PUDP: variants seen among roughly 807,000 people sequenced by gnomAD.
PUDP encodes the protein pseudouridine 5'-phosphatase.
In PUDP, 8 loss-of-function variants were observed where a neutral mutation model predicts 9.4. The ratio of observed to expected loss-of-function variants is 0.85; its 90% CI spans 0.50 to 1.53. The LOEUF is 1.53. Among genes scored for constraint, PUDP ranks in the 40% most tolerant of loss-of-function variants. PUDP has a pLI of 0.00. For missense variants in PUDP, 188 were observed against 189.7 expected, an observed-to-expected ratio of 0.99 and a Z score of 0.05; for synonymous variants, 99 against 80.7, an observed-to-expected ratio of 1.23 and a Z score of -1.22.
chrX:7,006,068 T>C (rs1406516327), intron 1 of PUDP, among the ~76,000 whole-genome samples: 2 of 112,468 alleles, frequency 1.8e-5, no homozygotes, highest in East Asian at 5.5e-4. Context: ...ATTTTGTTTA[T>C]CCATTAATCT....
At chrX:7,057,531 A>T in intron 3 of PUDP, 1 of 725,077 alleles carries the variant, frequency 1.4e-6, no homozygotes, top group Non-Finnish European at 1.9e-6. Flanking sequence ...CTGGGATGTT[A>T]AGCCTGATGG....
At chrX:6,997,996 T>C (rs1265465232) in intron 1 of PUDP, among the ~76,000 whole-genome samples, 1 of 112,052 alleles carries the variant, frequency 8.9e-6, no homozygotes, top group Non-Finnish European at 1.9e-5. Flanking sequence ...TGTAGTAGAC[T>C]AGAAGGATTG....
chrX:6,831,663 A>G (rs1926505729), intron 3 of PUDP, among the ~76,000 whole-genome samples: 1 of 112,558 alleles, frequency 8.9e-6, no homozygotes, highest in Non-Finnish European at 1.9e-5. Context: ...CATCATATTG[A>G]ACAATTTAGA....
intron 3 of PUDP, among the ~76,000 whole-genome samples, chrX:6,755,912 T>C (rs1343754476): frequency 9.0e-6 from 1 of 110,789 alleles, no homozygotes; most frequent in Admixed American, 9.7e-5. Flanking sequence ...TAAAGAGAGC[T>C]TTCCCAGGAG....
At chrX:6,867,768 CCA>C (rs1218621545) in intron 3 of PUDP, among the ~76,000 whole-genome samples, 2 of 111,134 alleles carry the variant, frequency 1.8e-5, no homozygotes, top group Non-Finnish European at 3.8e-5. Flanking sequence ...TTACAGAATA[CCA>C]CAGACTGGGT....
chrX:6,944,045 T>C (rs761497516), intron 3 of PUDP, among the ~76,000 whole-genome samples: 93 of 111,837 alleles, frequency 8.3e-4, no homozygotes, highest in African/African-American at 2.9e-3. Flanking sequence ...TGGAATTACA[T>C]GGTTTGGCTG....
At chrX:6,747,159 C>A (rs1281982074) in intron 3 of PUDP, among the ~76,000 whole-genome samples, 3 of 111,922 alleles carry the variant, frequency 2.7e-5, no homozygotes, top group Non-Finnish European at 5.6e-5. Context: ...TCAATACATA[C>A]TTTTGTAAAG....
At chrX:7,056,106 C>T (rs1206590536) in intron 3 of PUDP, among the ~76,000 whole-genome samples, 1 of 112,505 alleles carries the variant, frequency 8.9e-6, no homozygotes, top group African/African-American at 3.2e-5. Flanking sequence ...CATACCACCA[C>T]CCATACAGTG....
intron 2 of PUDP, among the ~76,000 whole-genome samples, chrX:7,088,454 C>T (rs1391587159): frequency 9.0e-6 from 1 of 111,458 alleles, no homozygotes; most frequent in Non-Finnish European, 1.9e-5. Context: ...CCTAAGTGCC[C>T]CTCCTCCAGG....
intron 3 of PUDP, among the ~76,000 whole-genome samples, chrX:7,064,866 G>A (rs951106160): frequency 1.8e-5 from 2 of 111,703 alleles, no homozygotes; most frequent in African/African-American, 3.3e-5. Flanking sequence ...TTTAAGGCTC[G>A]GTAATAGATT....
rs1569122754 is a variant in PUDP at position 6,916,231 on chromosome X, CA to C, written c.*247+60901del. On this transcript the variant is annotated intron_variant and NMD_transcript_variant, in intron 3 of 3. Transcript: ENST00000655425. ...ACACACACACACACACACACACACACACACACACACACACACACCCTGGGGA... is the reference window on the plus strand; with the variant it reads ...ACACACACACACACACACACACACACCACACACACACACACACCCTGGGGA... 2.1e-3 allele frequency among the ~76,000 whole-genome samples: 216 copies of C among 104,406 alleles called. 1 individual carries two copies. Among genetic ancestry groups the C allele is most frequent in the African/African-American group, 5.1e-3 (141 of 27,634 alleles). The allele number at this position is 104,406 out of a possible 115,157, so 90.7% of individuals were successfully genotyped here. A position where few individuals can be genotyped will look rare whatever the true frequency, so the allele number is the denominator to read the frequency against.
At chrX:6,868,513 A>G (rs1011269985) in intron 3 of PUDP, among the ~76,000 whole-genome samples, 1 of 112,280 alleles carries the variant, frequency 8.9e-6, no homozygotes, top group Non-Finnish European at 1.9e-5. Context: ...TTTCATAACA[A>G]TATTTTCCAT....
At chrX:7,067,247 T>G (rs1930584545) in intron 3 of PUDP, among the ~76,000 whole-genome samples, 1 of 112,071 alleles carries the variant, frequency 8.9e-6, no homozygotes, top group Admixed American at 9.5e-5. Context: ...CCAGAGACCC[T>G]CATGCCCCAG....
At chrX:6,833,177 T>C (rs1190437848) in intron 3 of PUDP, among the ~76,000 whole-genome samples, 2 of 112,609 alleles carry the variant, frequency 1.8e-5, no homozygotes, top group African/African-American at 6.4e-5. Context: ...AAAGTTTCTT[T>C]CTAATGAACA....
intron 3 of PUDP, among the ~76,000 whole-genome samples, chrX:6,828,138 C>G (rs1278091100): frequency 4.5e-5 from 5 of 111,652 alleles, no homozygotes; most frequent in Non-Finnish European, 7.5e-5. Context: ...TTTTACAGCT[C>G]ATAAATACAT....
intron 3 of PUDP, among the ~76,000 whole-genome samples, chrX:6,955,364 G>A (rs1294250011): frequency 9.0e-6 from 1 of 110,589 alleles, no homozygotes; most frequent in Non-Finnish European, 1.9e-5. Context: ...GGGACTACAG[G>A]TGCATGCCAC....
intron 3 of PUDP, among the ~76,000 whole-genome samples, chrX:6,727,145 A>G (rs1924748666): frequency 9.0e-6 from 1 of 111,678 alleles, no homozygotes; most frequent in African/African-American, 3.2e-5. Flanking sequence ...AAAATGAAAA[A>G]ATCATAAAAC....
intron 3 of PUDP, among the ~76,000 whole-genome samples, chrX:6,829,207 C>G (rs1032516087): frequency 9.0e-6 from 1 of 111,303 alleles, no homozygotes; most frequent in African/African-American, 3.3e-5. Flanking sequence ...TGTTTAAATG[C>G]CAGCAAATCT....
At chrX:6,725,256 T>C (rs138402790), upstream of PUDP, among the ~76,000 whole-genome samples, 286 of 112,240 alleles carry the variant, frequency 2.5e-3, 2 homozygotes, top group African/African-American at 8.5e-3. Context: ...CTTGCATATA[T>C]TAGTGGATAC....
Sources: allele counts gnomAD v4.1 joint callset (sites outside exome capture counted in the v4.1 genomes callset), GRCh38; gene constraint gnomAD v4.1.1; transcripts MANE v1.5; gene names NCBI Gene and HGNC (gene_info 2026-07-23, HGNC 2026-07-21).